The following THTPA variants were observed in gnomAD, a reference collection of about 807,000 sequenced individuals.
The protein encoded by THTPA is thiamine-triphosphatase.
Under a neutral mutation model 16.5 loss-of-function variants are expected in THTPA, and 16 were observed. The observed-to-expected ratio is 0.97, with a 90% CI of 0.66 to 1.47. The LOEUF is 1.47. THTPA is among the 40% of genes most tolerant of loss of function. The probability of loss-of-function intolerance (pLI) is 0.00; values close to 1 mark genes in which losing one functional copy is unlikely to be tolerated. For missense variants in THTPA, 281 were observed against 280.9 expected (o/e 1.00, Z 0.00); for synonymous variants, 110 against 115.5 (o/e 0.95, Z 0.30).
chr14:23,526,383 G>C, the THTPA span: 1 of 1,536,356 alleles, frequency 6.5e-7, no homozygotes. Context: ...GGCCGGGCAG[G>C]GTCGAGAAAC....
chr14:23,515,133 G>T, the THTPA span, among the ~76,000 whole-genome samples: 1 of 152,176 alleles, frequency 6.6e-6, no homozygotes, highest in Non-Finnish European at 1.5e-5. Flanking sequence ...TGGAGAGAGG[G>T]ACACCAGCTG....
upstream of THTPA, among the ~76,000 whole-genome samples, chr14:23,551,166 TC>T (rs1881915177): frequency 1.3e-5 from 2 of 151,630 alleles, no homozygotes; most frequent in South Asian, 4.2e-4. The surrounding 1 kb of genome is among the most constrained non-coding windows in gnomAD (Gnocchi z 5.3). Flanking sequence ...GGTCTGTCTG[TC>T]CGTCCGTCCT....
chr14:23,524,208 C>G, the THTPA span: 1 of 1,536,520 alleles, frequency 6.5e-7, no homozygotes, highest in South Asian at 1.2e-5. The surrounding 1 kb of genome is among the most constrained non-coding windows in gnomAD (Gnocchi z 5.6). Context: ...CCTTTCCTCT[C>G]CCGGGCCCTG....
At chr14:23,523,867 G>T in the THTPA span, 1 of 1,536,188 alleles carries the variant, frequency 6.5e-7, no homozygotes, top group Non-Finnish European at 8.7e-7. This position sits in a 1 kb window ranked among gnomAD's most constrained non-coding sequence, Gnocchi z 4.1. Flanking sequence ...CTCCTGCAGA[G>T]AGACTGCAAG....
chr14:23,553,089 A>T (rs1197945483), upstream of THTPA, among the ~76,000 whole-genome samples: 1 of 152,230 alleles, frequency 6.6e-6, no homozygotes, highest in African/African-American at 2.4e-5. Flanking sequence ...AATGGCCAAT[A>T]AGTAAGTGAC....
At chr14:23,536,333 T>C in the THTPA span, among the ~76,000 whole-genome samples, 2 of 152,210 alleles carry the variant, frequency 1.3e-5, no homozygotes, top group Admixed American at 6.6e-5. Context: ...AGATTTTCCA[T>C]ACCCTGACGA....
At chr14:23,512,163 T>C in the THTPA span, among the ~76,000 whole-genome samples, 2 of 152,124 alleles carry the variant, frequency 1.3e-5, no homozygotes, top group East Asian at 3.9e-4. Context: ...TAATTAATGA[T>C]TGGGGACTGG....
Position 23,556,876 on chromosome 14 carries a change from A to G in THTPA, c.119A>G (p.Tyr40Cys), listed in dbSNP as rs774838766. ...EYRVTFRDTYYDTPELSLMQA... is the reference protein window; with the variant it reads ...EYRVTFRDTYCDTPELSLMQA... ...CGGGTCACCTTCCGAGACACCTACT[A>G]TGACACCCCTGAGCTGAGCCTCATG... is the stretch of plus-strand genomic sequence containing the variant. Residue 40 changes from tyrosine to cysteine, a missense_variant, in exon 1 of 2, where the codon TAT becomes TGT. Physicochemically the swap from Tyr to Cys is radical, Grantham distance 194. Transcript: ENST00000288014. 60 of 1,613,452 alleles carry G rather than the reference A, an allele frequency of 3.7e-5. 1 individual carries two copies. The highest frequency in any genetic ancestry group is 4.2e-5 in the Non-Finnish European group (50 of 1,179,752).
chr14:23,554,321 C>T (rs959425384), upstream of THTPA, among the ~76,000 whole-genome samples: 1 of 152,164 alleles, frequency 6.6e-6, no homozygotes, highest in African/African-American at 2.4e-5. Flanking sequence ...ACCAACAGTG[C>T]TTAACATGGA....
chr14:23,525,390 G>A, the THTPA span: 1 of 1,536,002 alleles, frequency 6.5e-7, no homozygotes, highest in Non-Finnish European at 8.7e-7. This position sits in a 1 kb window ranked among gnomAD's most constrained non-coding sequence, Gnocchi z 5.9. Flanking sequence ...TTTCGAAACT[G>A]AGCAGCATAA....
the THTPA span, chr14:23,534,837 G>C: frequency 6.5e-7 from 1 of 1,536,170 alleles, no homozygotes; most frequent in Non-Finnish European, 8.7e-7. The surrounding 1 kb of genome is among the most constrained non-coding windows in gnomAD (Gnocchi z 4.5). Flanking sequence ...TGAGGTGTGA[G>C]GGGGGTGGGT....
At position 23,559,847 on chromosome 14, in the gene THTPA, G is replaced by A. The variant is rs1470336551; in HGVS notation, c.*1007G>A. On this transcript the variant is annotated 3_prime_UTR_variant, in exon 2 of 2. Transcript: ENST00000288014. ...GTGAGGCGCAGCTTTAGCCGCAGGGGGGCCTAGGAATAGGAGAGCAGGGAC... is the reference window on the plus strand; with the variant it reads ...GTGAGGCGCAGCTTTAGCCGCAGGGAGGCCTAGGAATAGGAGAGCAGGGAC... The A allele has an allele frequency of 1.2e-6, 2 of 1,614,066 alleles. No homozygotes were observed. Among genetic ancestry groups the A allele is most frequent in the Non-Finnish European group, 1.7e-6 (2 of 1,180,012 alleles).
chr14:23,556,704 G>T lies in THTPA; in HGVS notation c.-54G>T. ...TTGACGCCCCAGGAGCTGAGCACCAGGCTTTGCATCCTTGGGAACTCAGCA... is the reference window on the plus strand; with the variant it reads ...TTGACGCCCCAGGAGCTGAGCACCATGCTTTGCATCCTTGGGAACTCAGCA... On this transcript the variant is annotated 5_prime_UTR_variant, in exon 1 of 2. The change creates a new upstream start codon in the 5' untranslated region. Transcript: ENST00000288014. The T allele has an allele frequency of 6.4e-7, 1 of 1,560,288 alleles. No individual in the cohort carries two copies. Among genetic ancestry groups the T allele is most frequent in the Non-Finnish European group, 8.7e-7 (1 of 1,153,258 alleles).
At position 23,557,172 on chromosome 14, in the gene THTPA, G is replaced by T. The variant is rs774752052; in HGVS notation, c.415G>T (p.Glu139Ter). ...KLVLLGADEE[E>*]PQLRVDLDTA... Reference sequence around the variant, plus strand: ...GGTGCTCTTGGGAGCTGATGAAGAGGAGCCACAGCTCAGGGTGGACTTGGA... The same window carrying T: ...GGTGCTCTTGGGAGCTGATGAAGAGTAGCCACAGCTCAGGGTGGACTTGGA... Residue 139 changes from glutamate (E) to a stop codon, truncating the protein, a stop_gained, in exon 1 of 2, where the codon GAG becomes TAG. Transcript: ENST00000288014. LOFTEE classifies it high-confidence loss of function. The T allele has an allele frequency of 1.2e-6, 2 of 1,614,146 alleles. No homozygotes were observed. Among genetic ancestry groups the T allele is most frequent in the Non-Finnish European group, 1.7e-6 (2 of 1,180,030 alleles).
At chr14:23,531,374 C>T in the THTPA span, 1 of 1,326,666 alleles carries the variant, frequency 7.5e-7, no homozygotes, top group Non-Finnish European at 9.7e-7. Context: ...AGGTGGCCTA[C>T]AGGCCCTCTT....
the THTPA span, chr14:23,532,687 A>G: frequency 6.5e-7 from 1 of 1,528,178 alleles, no homozygotes; most frequent in Non-Finnish European, 8.8e-7. Flanking sequence ...AGACAGACCC[A>G]TAAGGAGCCC....
the THTPA span, chr14:23,522,906 T>G: frequency 6.8e-7 from 1 of 1,466,382 alleles, no homozygotes; most frequent in Non-Finnish European, 9.0e-7. Context: ...AGGACCGAAG[T>G]GGCGAGGCCG....
the THTPA span, chr14:23,534,334 T>C: frequency 1.3e-6 from 2 of 1,536,630 alleles, no homozygotes; most frequent in Non-Finnish European, 1.7e-6. This position sits in a 1 kb window ranked among gnomAD's most constrained non-coding sequence, Gnocchi z 4.5. Context: ...GATAAGGGCC[T>C]GGACTTCTGC....
At chr14:23,528,516 C>T in the THTPA span, 8 of 812,672 alleles carry the variant, frequency 9.8e-6, no homozygotes, top group African/African-American at 9.3e-5. Flanking sequence ...CCTATCCTGT[C>T]GTGTCTTCTC....
Sources: gnomAD v4.1 joint callset for allele counts (sites outside exome capture counted in the v4.1 genomes callset) on GRCh38, gnomAD v4.1.1 for gene constraint, Gnocchi (gnomAD v3.1) non-coding constraint, MANE v1.5 for transcripts, NCBI Gene and HGNC (gene_info 2026-07-23, HGNC 2026-07-21) for gene names.